MED24: variants seen among roughly 807,000 people sequenced by gnomAD.
MED24 encodes the protein mediator complex subunit 24, also known as mediator of RNA polymerase II transcription subunit 24.
In MED24, 74 loss-of-function variants were observed where a neutral mutation model predicts 118.8. The ratio of observed to expected loss-of-function variants is 0.62; its 90% CI spans 0.52 to 0.76. The LOEUF (loss-of-function observed/expected upper bound fraction) is 0.76, where lower values mean the gene tolerates loss of function less well. Among genes scored for constraint, MED24 ranks in the 30% least tolerant of loss-of-function variants. MED24 has a pLI of 0.00. For synonymous variants in MED24, 521 were observed against 523.9 expected, an observed-to-expected ratio of 0.99 and a Z score of 0.08; for missense variants, 1,041 against 1,278.9, an observed-to-expected ratio of 0.81 and a Z score of 2.84.
intron 16 of MED24, 153 bp from the exon 17 acceptor site, chr17:40,027,187 A>G (rs1289986649): frequency 8.9e-7 from 1 of 1,125,062 alleles, no homozygotes; most frequent in East Asian, 2.6e-5. Context: ...GACGGGGGCA[A>G]TGCTGCCACC....
chr17:40,033,250 G>A lies in MED24; in HGVS notation c.672-44C>T, dbSNP rs2144912639. The A allele has an allele frequency of 6.2e-7, 1 of 1,612,654 alleles. No individual in the cohort carries two copies. The highest frequency in any genetic ancestry group is 8.5e-7 in the Non-Finnish European group (1 of 1,179,798). On this transcript the variant is annotated intron_variant, in intron 7 of 25. Transcript: ENST00000394128. The surrounding 1 kb of genome is among the most constrained non-coding windows in gnomAD (Gnocchi z 5.2). Reference sequence around the variant, plus strand: ...AGGGGACGGTGTTTGGGGGGCCAAAGGTGAAGGCGGAGAGGATGGCACGGG... The same window carrying A: ...AGGGGACGGTGTTTGGGGGGCCAAAAGTGAAGGCGGAGAGGATGGCACGGG...
chr17:40,041,087 AC>A (rs1234012526), intron 3 of MED24, among the ~76,000 whole-genome samples: 1 of 151,996 alleles, frequency 6.6e-6, no homozygotes, highest in Admixed American at 6.6e-5. Context: ...CTACCTGCAC[AC>A]CTTCCATTGA....
At chr17:40,052,807 G>C (rs954405310) in intron 3 of MED24, among the ~76,000 whole-genome samples, 1 of 152,106 alleles carries the variant, frequency 6.6e-6, no homozygotes, top group Non-Finnish European at 1.5e-5. Context: ...CACAACAAAT[G>C]AAGTATTATT....
rs1983325624 is a variant in MED24, at chr17:40,031,165, G to A, written c.1148C>T (p.Ala383Val). 1.9e-6 allele frequency: 3 copies of A among 1,564,998 alleles called. No homozygotes were observed. In the African/African-American group the frequency reaches 4.1e-5, roughly 21 times the overall value. The change falls in exon 12 of 26, where the codon GCT (alanine) becomes GTT (valine). Residue 383 changes from alanine to valine, a missense_variant. Physicochemically the swap from Ala to Val is moderately conservative, Grantham distance 64 (BLOSUM62 0). This residue lies in a region of MED24 where 434 missense variants were observed against 514.9 expected (regional missense o/e 0.84). Transcript: ENST00000394128. ...LSEASVNNLM[A>V]KRKADREHAP... ...CAGGTGCGTTCACACTTACCGCTTA[G>A]CCATAAGGTTGTTGACGCTGGCCTC...
chr17:40,029,401 C>G (rs1242066139), intron 13 of MED24, among the ~76,000 whole-genome samples: 1 of 152,114 alleles, frequency 6.6e-6, no homozygotes, highest in Admixed American at 6.6e-5. Flanking sequence ...TTTCACCACG[C>G]TGGCCAAGCT....
intron 4 of MED24, 160 bp from the exon 5 acceptor site, chr17:40,035,955 C>T: frequency 9.3e-7 from 1 of 1,077,740 alleles, no homozygotes; most frequent in South Asian, 1.4e-5. Context: ...AAGCACCAGC[C>T]CCTACTTGCC....
chr17:40,027,078 G>T, intron 16 of MED24, 44 bp from the exon 17 acceptor site: 1 of 1,602,838 alleles, frequency 6.2e-7, no homozygotes, highest in African/African-American at 1.3e-5. Context: ...GGGAGGGCGC[G>T]GCGCCTGCCA....
Position 40,020,339 on chromosome 17 carries a change from T to A in MED24, c.2638A>T (p.Ser880Cys). The change falls in exon 24 of 26, where the codon AGC (serine) becomes TGC (cysteine). Residue 880 changes from serine to cysteine, a missense_variant. Physicochemically the swap from Ser to Cys is moderately radical, Grantham distance 112. Transcript: ENST00000394128. ...AGCTGAGAGGCTGAGAGGGAGCTGC[T>A]CATGGATCGGTCTGCTGTGGGACGG... ...ILSSPTDRSM[S>C]SSLSASQLHT... The A allele has an allele frequency of 6.3e-7, 1 of 1,598,612 alleles. No homozygotes were observed. The highest frequency in any genetic ancestry group is 8.5e-7 in the Non-Finnish European group (1 of 1,172,644).
At chr17:40,022,175 C>T in intron 22 of MED24, 121 bp from the exon 23 acceptor site, 1 of 913,458 alleles carries the variant, frequency 1.1e-6, no homozygotes, top group East Asian at 2.6e-5. Context: ...CTCAGCCCCT[C>T]TCTGCTCAAC....
intron 13 of MED24, among the ~76,000 whole-genome samples, chr17:40,029,225 G>A (rs906242227): frequency 2.0e-5 from 3 of 152,184 alleles, no homozygotes; most frequent in African/African-American, 7.2e-5. Context: ...TTTAGACAGA[G>A]TCTCGCTCTA....
At chr17:40,031,713 T>C in intron 10 of MED24, 93 bp from the exon 11 acceptor site, 1 of 1,219,492 alleles carries the variant, frequency 8.2e-7, no homozygotes, top group Non-Finnish European at 1.2e-6. Context: ...TCGGCCTGAG[T>C]TGCCTGGCTG....
At position 40,019,409 on chromosome 17, in the gene MED24, G is replaced by A; in HGVS notation, c.*120C>T. 2.5e-6 allele frequency: 2 copies of A among 784,874 alleles called. No homozygotes were observed. The highest frequency in any genetic ancestry group is 4.2e-6 in the Non-Finnish European group (2 of 481,378). The allele number at this position is 784,874 out of a possible 1,614,324, so 48.6% of individuals were successfully genotyped here. A position where few individuals can be genotyped will look rare whatever the true frequency, so the allele number is the denominator to read the frequency against. On this transcript the variant is annotated 3_prime_UTR_variant, in exon 26 of 26. Coordinates refer to ENST00000394128, the MANE Select transcript of MED24 (RefSeq NM_014815.4). ...GAGCGGGGAACTGGAAGCCGCTAGA[G>A]GCTCTTGCACCATGTGGAGCGGATG... is the stretch of plus-strand genomic sequence containing the variant.
Position 40,019,209 on chromosome 17 carries a change from C to CATATAT in MED24, c.*319_*320insATATAT, listed in dbSNP as rs1555662018. 8.5e-6 allele frequency: 3 copies of CATATAT among 354,554 alleles called. No homozygotes were observed. Among genetic ancestry groups the CATATAT allele is most frequent in the Non-Finnish European group, 1.6e-5 (3 of 192,404 alleles). 22.0% of individuals were successfully genotyped at this position (354,554 alleles called of 1,614,324 possible). A position where few individuals can be genotyped will look rare whatever the true frequency, so the allele number is the denominator to read the frequency against. On this transcript the variant is annotated 3_prime_UTR_variant, in exon 26 of 26. Transcript: ENST00000394128. Reference sequence around the variant, plus strand: ...ACACACACACACACACACACATACACACTTTGCATCTAGAAAGTTCCTCAG... The same window carrying CATATAT: ...ACACACACACACACACACACATACACATATATACTTTGCATCTAGAAAGTTCCTCAG...
At chr17:40,053,149 G>T in intron 3 of MED24, 149 bp downstream of exon 3, 2 of 721,452 alleles carry the variant, frequency 2.8e-6, no homozygotes, top group Non-Finnish European at 4.5e-6. Context: ...TACGCAGGCT[G>T]GTCTTGAACT....
chr17:40,047,695 C>T (rs1985388160), intron 3 of MED24, among the ~76,000 whole-genome samples: 1 of 147,082 alleles, frequency 6.8e-6, no homozygotes. Context: ...AAACAAAAAA[C>T]AACAACAAAA....
rs748133866 is a variant in MED24 at position 40,032,749 on chromosome 17, G to A, written c.836C>T (p.Pro279Leu). ...TTTCCAGATCTCCAGGACAAAAAGT[G>A]GGGTGGGGATATGCTGTGGGAAGAG... ...MVKRMQHIPT[P>L]LFVLEIWKAC... Residue 279 changes from proline (P) to leucine (L), a missense_variant, in exon 9 of 26, where the codon CCA becomes CTA. Pro to Leu is a moderately conservative substitution (Grantham distance 98, BLOSUM62 -3). Transcript: ENST00000394128. 7 of 1,613,584 alleles carry A rather than the reference G, an allele frequency of 4.3e-6. No homozygotes were observed. The Admixed American group carries it at 6.7e-5, about 15-fold the overall frequency.
At position 40,041,578 on chromosome 17, in the gene MED24, C is replaced by T. The variant is rs151286165; in HGVS notation, c.214-5424G>A. On this transcript the variant is annotated intron_variant, in intron 3 of 25. Transcript: ENST00000394128. The stretch of plus-strand genomic sequence containing the variant: ...CGAGTATCCTCTTTTTGATACCCCA[C>T]AGTCTTCTTAAATTTAAAAGGCCAA... Among the ~76,000 whole-genome samples the T allele has an allele frequency of 3.3e-5, 5 of 152,278 alleles. No individual in the cohort carries two copies. The East Asian group carries it at 9.6e-4, about 29-fold the overall frequency.
intron 19 of MED24, among the ~76,000 whole-genome samples, chr17:40,023,937 GC>G (rs758405364): frequency 7.9e-5 from 12 of 152,192 alleles, no homozygotes; most frequent in Non-Finnish European, 1.5e-4. Context: ...ACAGACCCGG[GC>G]CGAGTGCTGA....
intron 6 of MED24, among the ~76,000 whole-genome samples, chr17:40,034,019 C>T (rs1047797692): frequency 6.6e-6 from 1 of 152,102 alleles, no homozygotes; most frequent in African/African-American, 2.4e-5. Context: ...GCAACTCACC[C>T]GACTGGTCTA....
Sources: gnomAD v4.1 joint callset for allele counts (sites outside exome capture counted in the v4.1 genomes callset) on GRCh38, gnomAD v4.1.1 for gene constraint, gnomAD v4.1.1 regional missense constraint, Gnocchi (gnomAD v3.1) non-coding constraint, MANE v1.5 for transcripts, NCBI Gene and HGNC (gene_info 2026-07-23, HGNC 2026-07-21) for gene names.